FREM2: variants seen among roughly 807,000 people sequenced by gnomAD.
The protein encoded by FREM2 is FRAS1 related extracellular matrix 2, also known as FRAS1-related extracellular matrix protein 2.
A neutral mutation model predicts 219.9 loss-of-function variants in FREM2; 119 were observed. The ratio of observed to expected loss-of-function variants is 0.54; its 90% confidence interval spans 0.47 to 0.63. The LOEUF (loss-of-function observed/expected upper bound fraction) is 0.63. Ranked by LOEUF, FREM2 falls within the 30% of genes least tolerant of loss-of-function variation. The pLI is 0.00. For synonymous variants in FREM2, 1,562 were observed against 1,522.8 expected (o/e 1.03, Z -0.60); for missense variants, 4,030 against 3,993.6 (o/e 1.01, Z -0.25).
intron 23 of FREM2, 152 bp from the exon 24 acceptor site, chr13:38,880,132 A>T: frequency 1.2e-6 from 1 of 801,564 alleles, no homozygotes; most frequent in Non-Finnish European, 2.1e-6. Context: ...AGAGCCTTGC[A>T]CCTAGTACTC....
chr13:38,764,515 A>G, intron 3 of FREM2, 65 bp downstream of exon 3: 1 of 945,094 alleles, frequency 1.1e-6, no homozygotes, highest in Non-Finnish European at 1.6e-6. Context: ...ATAATTCTAC[A>G]GTGATTAAAG....
chr13:38,798,869 T>C (rs1874897285), intron 6 of FREM2, among the ~76,000 whole-genome samples: 2 of 152,020 alleles, frequency 1.3e-5, no homozygotes, highest in African/African-American at 4.8e-5. Context: ...CTTTTGTTGG[T>C]TAGTATATCT....
At chr13:38,749,333 CTT>C (rs1034581872) in intron 2 of FREM2, among the ~76,000 whole-genome samples, 3 of 152,172 alleles carry the variant, frequency 2.0e-5, no homozygotes, top group Non-Finnish European at 2.9e-5. Context: ...CTACAGGAAA[CTT>C]TTCCACATCA....
chr13:38,791,437 TAGTC>T (rs1217760034), intron 6 of FREM2, among the ~76,000 whole-genome samples: 4 of 152,196 alleles, frequency 2.6e-5, no homozygotes, highest in Non-Finnish European at 4.4e-5. Context: ...AGCATTGTAT[TAGTC>T]AGTTCTCACG....
intron 15 of FREM2, among the ~76,000 whole-genome samples, chr13:38,862,754 T>C (rs1877808256): frequency 6.6e-6 from 1 of 152,158 alleles, no homozygotes; most frequent in African/African-American, 2.4e-5. Flanking sequence ...TGTTTTCATA[T>C]GGTCTGCAAG....
At position 38,688,378 on chromosome 13, in the gene FREM2, C is replaced by G; in HGVS notation, c.1034C>G (p.Ala345Gly). 1 of 1,614,056 alleles carries G rather than the reference C, an allele frequency of 6.2e-7. No individual in the cohort carries two copies. The highest frequency in any genetic ancestry group is 8.5e-7 in the Non-Finnish European group (1 of 1,179,932). Residue 345 changes from alanine to glycine, a missense_variant, in exon 1 of 24, where the codon GCC becomes GGC. Around this residue, in one of 2 missense-constraint regions of FREM2, gnomAD observed 3,102 missense variants for 2,950.7 expected, o/e 1.05. Transcript: ENST00000280481. ...GCCCTGACCCCAGACATGCTGGCAG[C>G]CGAGGATGCTGAGTCTCCCTCTGAC... is the stretch of plus-strand genomic sequence containing the variant. Reference protein sequence around the residue: ...LTALTPDMLAAEDAESPSDLL... With the variant: ...LTALTPDMLAGEDAESPSDLL...
intron 6 of FREM2, among the ~76,000 whole-genome samples, chr13:38,828,712 C>G (rs554259681): frequency 4.8e-4 from 71 of 147,474 alleles, no homozygotes; most frequent in Non-Finnish European, 7.4e-4. Flanking sequence ...GAGACCATGT[C>G]TCTTAATAAT....
At chr13:38,862,244 G>A (rs1334852403) in intron 15 of FREM2, among the ~76,000 whole-genome samples, 4 of 152,164 alleles carry the variant, frequency 2.6e-5, no homozygotes, top group Non-Finnish European at 4.4e-5. Context: ...GAGCTGCAAC[G>A]TAGAATCTAC....
intron 6 of FREM2, among the ~76,000 whole-genome samples, chr13:38,808,751 C>A (rs9576622): frequency 0.22 from 33,707 of 151,666 alleles, 4,249 homozygotes; most frequent in East Asian, 0.31. Context: ...ACTATAACAA[C>A]TGTAATAATA....
Position 38,692,076 on chromosome 13 carries a change from C to G in FREM2, c.4732C>G (p.His1578Asp). The stretch of plus-strand genomic sequence containing the variant: ...ATTCACTATCACCCAGGTGCCTATT[C>G]ATGGCCATCTCCTATTCAACAATAC... ...LKFTITQVPI[H>D]GHLLFNNTRP... is the part of the protein sequence containing the mutation. The change falls in exon 1 of 24, where the codon CAT becomes GAT. Residue 1578 changes from histidine to aspartate, a missense_variant. Transcript: ENST00000280481. 1 of 1,614,200 alleles carries G rather than the reference C, an allele frequency of 6.2e-7. No homozygotes were observed. Among genetic ancestry groups the G allele is most frequent in the Middle Eastern group, 1.6e-4 (1 of 6,062 alleles).
intron 6 of FREM2, among the ~76,000 whole-genome samples, chr13:38,807,189 T>TATATATATATATATATATATATATATA (rs1555268805): frequency 2.2e-5 from 1 of 45,378 alleles, no homozygotes; most frequent in African/African-American, 6.2e-5. Flanking sequence ...CTTGTCTCTG[T>TATATATATATATATATATATATATATA]TATATATATA....
chr13:38,687,895 G>T lies in FREM2; in HGVS notation c.551G>T (p.Arg184Leu). ...TTCACCCAGCTGGAGGTTGTGACTC[G>T]GAACTTGCCTCTGGTCGTGGAAGAG... ...VVFTQLEVVTRNLPLVVEELL... is the reference protein window; with the variant it reads ...VVFTQLEVVTLNLPLVVEELL... The change falls in exon 1 of 24, where the codon CGG becomes CTG. Residue 184 changes from arginine (R) to leucine (L), a missense_variant. Physicochemically the swap from Arg to Leu is moderately radical, Grantham distance 102. Transcript: ENST00000280481. 6.3e-7 allele frequency: 1 copy of T among 1,586,904 alleles called. No homozygotes were observed. Among genetic ancestry groups the T allele is most frequent in the Non-Finnish European group, 8.6e-7 (1 of 1,164,486 alleles).
rs565841394 is a variant in FREM2, at chr13:38,832,682, A to G, written c.6020-13891A>G. Among the ~76,000 whole-genome samples, 24 of 152,310 alleles carry G rather than the reference A, an allele frequency of 1.6e-4. No individual in the cohort carries two copies. In the East Asian group the frequency reaches 4.6e-3, roughly 29 times the overall value. ...TAACATAAAATGTGCTCTATGTAAA[A>G]TTAAACAATATTACTATTTTTCATA... On this transcript the variant is annotated intron_variant, in intron 6 of 23. Transcript: ENST00000280481.
chr13:38,781,694 A>T (rs1341739782), intron 4 of FREM2, among the ~76,000 whole-genome samples: 10 of 152,224 alleles, frequency 6.6e-5, no homozygotes, highest in African/African-American at 2.4e-4. Context: ...AGGAGAAAAC[A>T]AATAGCACAC....
intron 2 of FREM2, among the ~76,000 whole-genome samples, chr13:38,764,092 G>A (rs971452392): frequency 2.6e-5 from 4 of 152,164 alleles, no homozygotes; most frequent in Admixed American, 6.5e-5. Flanking sequence ...AAAACAGCAA[G>A]GAATTTGTGA....
intron 5 of FREM2, among the ~76,000 whole-genome samples, chr13:38,784,205 T>A (rs1426639694): frequency 6.6e-6 from 1 of 152,208 alleles, no homozygotes; most frequent in East Asian, 1.9e-4. Flanking sequence ...GGTGGAGTGG[T>A]TGAGAGGATT....
chr13:38,776,396 AT>A (rs1393855738), intron 4 of FREM2, among the ~76,000 whole-genome samples: 1 of 152,132 alleles, frequency 6.6e-6, no homozygotes, highest in Non-Finnish European at 1.5e-5. Context: ...GAGTCTGTTT[AT>A]TTTTTATCCT....
intron 6 of FREM2, among the ~76,000 whole-genome samples, chr13:38,819,161 T>C (rs535189977): frequency 5.3e-5 from 8 of 152,232 alleles, no homozygotes; most frequent in Admixed American, 1.3e-4. Context: ...CAACCTGTTA[T>C]GGCCAGAACC....
chr13:38,779,599 A>G (rs1017516123), intron 4 of FREM2: 2 of 152,182 alleles, frequency 1.3e-5, no homozygotes, highest in African/African-American at 4.8e-5. Flanking sequence ...AAAACCAGCA[A>G]AGACATTTCT....
Sources: gnomAD v4.1 joint callset for allele counts (sites outside exome capture counted in the v4.1 genomes callset) on GRCh38, gnomAD v4.1.1 for gene constraint, gnomAD v4.1.1 regional missense constraint, MANE v1.5 for transcripts, NCBI Gene and HGNC (gene_info 2026-07-23, HGNC 2026-07-21) for gene names.